Variants in ZRANB3 observed in about 807,000 individuals in gnomAD.
The protein encoded by ZRANB3 is DNA annealing helicase and endonuclease ZRANB3.
Under a neutral mutation model 133.8 loss-of-function variants are expected in ZRANB3, and 125 were observed. The ratio of observed to expected loss-of-function variants is 0.93; its 90% CI spans 0.81 to 1.08. The LOEUF (loss-of-function observed/expected upper bound fraction) is 1.08, where lower values mean the gene tolerates loss of function less well. Ranked by LOEUF, ZRANB3 falls within the 50% of genes least tolerant of loss-of-function variation. ZRANB3 has a pLI of 0.00. For missense variants in ZRANB3, 1,229 were observed against 1,275.5 expected, an observed-to-expected ratio of 0.96 and a Z score of 0.56; for synonymous variants, 387 against 432.7, an observed-to-expected ratio of 0.89 and a Z score of 1.31.
intron 11 of ZRANB3, among the ~76,000 whole-genome samples, chr2:135,267,410 A>C (rs1454525808): frequency 6.6e-6 from 1 of 152,094 alleles, no homozygotes; most frequent in East Asian, 1.9e-4. Flanking sequence ...GAATGGATTA[A>C]TCCATTCATA....
chr2:135,291,972 C>T (rs2104795550), intron 8 of ZRANB3, among the ~76,000 whole-genome samples: 1 of 152,328 alleles, frequency 6.6e-6, no homozygotes, highest in South Asian at 2.1e-4. Flanking sequence ...ATATGTGCCA[C>T]ATTTTCTTAA....
At chr2:135,351,215 T>A (rs1350614587) in intron 4 of ZRANB3, among the ~76,000 whole-genome samples, 1 of 151,926 alleles carries the variant, frequency 6.6e-6, no homozygotes, top group Non-Finnish European at 1.5e-5. Flanking sequence ...CTATGGCTAC[T>A]GCATTTTAAG....
In ZRANB3 at chr2:135,312,759, T is replaced by G. The variant is rs756002680; in HGVS notation, c.966+730A>C. Among the ~76,000 whole-genome samples, 4 of 152,048 alleles carry G rather than the reference T, an allele frequency of 2.6e-5. No homozygotes were observed. In the South Asian group the frequency reaches 8.3e-4, roughly 32 times the overall value. On this transcript the variant is annotated intron_variant, in intron 8 of 20. Coordinates refer to ENST00000264159, the MANE Select transcript of ZRANB3 (RefSeq NM_032143.4). Reference sequence around the variant, plus strand: ...GTTCGGGCACGGTGGCTTACACCTGTAATCCCAGCAGTTTGGAAAGCCAAG... The same window carrying G: ...GTTCGGGCACGGTGGCTTACACCTGGAATCCCAGCAGTTTGGAAAGCCAAG...
intron 2 of ZRANB3, among the ~76,000 whole-genome samples, chr2:135,441,310 G>C (rs1689767538): frequency 6.6e-6 from 1 of 152,106 alleles, no homozygotes; most frequent in Admixed American, 6.5e-5. Context: ...AGAGGCAAGA[G>C]GGCAACCGAA....
rs1559030603 is a variant in ZRANB3 at position 135,485,169 on chromosome 2, A to AT, written c.161+19159_161+19160insA. ...CAAACAAAACAAAACAAAACAAAAC[A>AT]AAACAAAACAAAACAAAACATAACA... is the stretch of plus-strand genomic sequence containing the variant. On this transcript the variant is annotated intron_variant, in intron 2 of 20. Transcript: ENST00000264159. Among the ~76,000 whole-genome samples, 5 of 149,552 alleles carry AT rather than the reference A, an allele frequency of 3.3e-5. No individual in the cohort carries two copies. The South Asian group carries it at 8.5e-4, about 25-fold the overall frequency.
chr2:135,525,204 A>T (rs572894502), intron 1 of ZRANB3, among the ~76,000 whole-genome samples: 2 of 152,210 alleles, frequency 1.3e-5, no homozygotes, highest in Admixed American at 1.3e-4. Flanking sequence ...TACACAAAAG[A>T]GACTAAACAC....
At chr2:135,511,215 C>G (rs1220231633) in intron 1 of ZRANB3, 2 of 890,756 alleles carry the variant, frequency 2.2e-6, no homozygotes, top group Admixed American at 3.4e-5. Context: ...CAAGTCTTCC[C>G]ATACTGTCTG....
At chr2:135,241,200 T>C (rs1695534053) in intron 12 of ZRANB3, among the ~76,000 whole-genome samples, 1 of 152,134 alleles carries the variant, frequency 6.6e-6, no homozygotes, top group Non-Finnish European at 1.5e-5. Flanking sequence ...AATGTTAGAC[T>C]TACACATTTA....
chr2:135,245,947 A>AAAAAAAAG lies in ZRANB3; in HGVS notation c.1540-15021_1540-15020insCTTTTTTT, dbSNP rs1553461041. ...GTCTCAAAAAAAAAAAAAAAAAAAA[A>AAAAAAAAG]AGAGACAGGGTTTCACCATGATAAA... On this transcript the variant is annotated intron_variant, in intron 12 of 20. Transcript: ENST00000264159. 1.8e-4 allele frequency among the ~76,000 whole-genome samples: 26 copies of AAAAAAAAG among 145,448 alleles called. 1 individual carries two copies. Among genetic ancestry groups the AAAAAAAAG allele is most frequent in the African/African-American group, 6.7e-4 (26 of 39,074 alleles).
chr2:135,356,213 T>C (rs868143818), intron 3 of ZRANB3, among the ~76,000 whole-genome samples: 15 of 152,054 alleles, frequency 9.9e-5, no homozygotes, highest in Non-Finnish European at 1.5e-5. Flanking sequence ...TGAAGAGATA[T>C]ATTGTCCAAC....
chr2:135,231,817 T>A (rs1160772277), intron 12 of ZRANB3, among the ~76,000 whole-genome samples: 1 of 150,322 alleles, frequency 6.7e-6, no homozygotes, highest in Non-Finnish European at 1.5e-5. Flanking sequence ...AAACGGGGGA[T>A]GGAGCCAAGA....
At chr2:135,485,140 AAAACAAACAAAACAAAAC>A (rs1365188834) in intron 2 of ZRANB3, among the ~76,000 whole-genome samples, 1 of 145,488 alleles carries the variant, frequency 6.9e-6, no homozygotes, top group African/African-American at 2.8e-5. Flanking sequence ...GAAACAAAAC[AAAACAAACAAAACAAAAC>A]AAAACAAAAC....
In ZRANB3 at chr2:135,287,670, CTTTTTTT is replaced by C. The variant is rs59739293; in HGVS notation, c.967-11922_967-11916del. 4.1e-5 allele frequency among the ~76,000 whole-genome samples: 4 copies of C among 98,054 alleles called. No individual in the cohort carries two copies. The East Asian group carries it at 9.2e-4, about 23-fold the overall frequency. The allele number at this position is 98,054 out of a possible 152,430, so 64.3% of individuals were successfully genotyped here. A position where few individuals can be genotyped will look rare whatever the true frequency, so the allele number is the denominator to read the frequency against. Reference sequence around the variant, plus strand: ...GTCCTTGGTTAGGTATATTTCTTTCCTTTTTTTTTTTTTTTTTTGCAGCTATTATAAA... The same window carrying C: ...GTCCTTGGTTAGGTATATTTCTTTCCTTTTTTTTTTTGCAGCTATTATAAA... On this transcript the variant is annotated intron_variant, in intron 8 of 20. Transcript: ENST00000264159.
At position 135,202,896 on chromosome 2, in the gene ZRANB3, T is replaced by C; in HGVS notation, c.3077A>G (p.Tyr1026Cys). The change falls in exon 20 of 21, where the codon TAT (tyrosine) becomes TGT (cysteine). Residue 1026 changes from tyrosine to cysteine, a missense_variant. Coordinates refer to ENST00000264159, the MANE Select transcript of ZRANB3 (RefSeq NM_032143.4). ...FWQVDHIKPV[Y>C]GGGGQCSLDN... ...CAGGGAACACTGTCCTCCTCCCCCA[T>C]ACACTGGCTTGATGTGATCCACCTG... 6.2e-7 allele frequency: 1 copy of C among 1,612,222 alleles called. No individual in the cohort carries two copies. The highest frequency in any genetic ancestry group is 1.1e-5 in the South Asian group (1 of 90,438).
intron 6 of ZRANB3, among the ~76,000 whole-genome samples, chr2:135,321,340 T>C (rs749271822): frequency 3.3e-5 from 5 of 152,338 alleles, no homozygotes; most frequent in Middle Eastern, 6.8e-3. Context: ...AACTCACATT[T>C]CTCTAACGAC....
chr2:135,370,399 C>T (rs923027969), intron 3 of ZRANB3, among the ~76,000 whole-genome samples: 11 of 152,028 alleles, frequency 7.2e-5, no homozygotes, highest in African/African-American at 2.7e-4. Flanking sequence ...CATAGCTTAG[C>T]TCTCAGTTAT....
chr2:135,238,062 C>G (rs963388257), intron 12 of ZRANB3, among the ~76,000 whole-genome samples: 1 of 152,144 alleles, frequency 6.6e-6, no homozygotes, highest in Non-Finnish European at 1.5e-5. Context: ...TACATCATTG[C>G]ATGTTTTTCA....
At chr2:135,225,225 T>C (rs1244999461) in intron 14 of ZRANB3, among the ~76,000 whole-genome samples, 1 of 152,200 alleles carries the variant, frequency 6.6e-6, no homozygotes, top group Non-Finnish European at 1.5e-5. Flanking sequence ...TTAACTTACT[T>C]ATGGTCATAT....
At chr2:135,319,249 A>G (rs530097140) in intron 6 of ZRANB3, among the ~76,000 whole-genome samples, 1 of 152,352 alleles carries the variant, frequency 6.6e-6, no homozygotes, top group Non-Finnish European at 1.5e-5. Context: ...CAAAAAATTT[A>G]TAAATGCTTA....
Sources: allele counts gnomAD v4.1 joint callset (sites outside exome capture counted in the v4.1 genomes callset), GRCh38; gene constraint gnomAD v4.1.1; transcripts MANE v1.5; gene names NCBI Gene and HGNC (gene_info 2026-07-23, HGNC 2026-07-21).